The following USP12 variants were observed in gnomAD, a reference collection of about 807,000 sequenced individuals.
USP12 encodes ubiquitin carboxyl-terminal hydrolase 12.
Under a neutral mutation model 45.5 loss-of-function variants are expected in USP12, and 19 were observed. The observed-to-expected ratio is 0.42, with a 90% CI of 0.29 to 0.61. USP12 has a LOEUF of 0.61. USP12 is among the 20% of genes least tolerant of loss of function. The pLI is 0.22. For missense variants in USP12, 242 were observed against 447.7 expected, an observed-to-expected ratio of 0.54 and a Z score of 4.15; for synonymous variants, 149 against 148.8, an observed-to-expected ratio of 1.00 and a Z score of -0.01.
chr13:27,118,068 G>A (rs1448931148), intron 1 of USP12, among the ~76,000 whole-genome samples: 2 of 150,364 alleles, frequency 1.3e-5, no homozygotes, highest in African/African-American at 2.5e-5. Context: ...TCACAGTGAA[G>A]AGCTGCAGAG....
chr13:27,069,372 G>A lies in USP12; in HGVS notation c.1024C>T (p.Gln342Ter). 1.2e-6 allele frequency: 2 copies of A among 1,613,084 alleles called. No individual in the cohort carries two copies. Among genetic ancestry groups the A allele is most frequent in the Non-Finnish European group, 1.7e-6 (2 of 1,179,396 alleles). Residue 342 changes from glutamine to a stop codon, truncating the protein, a stop_gained, in exon 9 of 9, where the codon CAA (glutamine) becomes TAA (stop). Transcript: ENST00000282344. LOFTEE classifies it high-confidence loss of function. ...AACCCGTAGAATTCTTCAATAGCTTGTGCATCTATTTTCTGTGAGGTAAAA... is the reference window on the plus strand; with the variant it reads ...AACCCGTAGAATTCTTCAATAGCTTATGCATCTATTTTCTGTGAGGTAAAA... ...DDDIVEKIDA[Q>*]AIEEFYGLTS...
At position 27,069,255 on chromosome 13, in the gene USP12, G is replaced by A. The variant is rs1873126838; in HGVS notation, c.*28C>T. The A allele has an allele frequency of 6.4e-7, 1 of 1,556,234 alleles. No individual in the cohort carries two copies. The highest frequency in any genetic ancestry group is 1.4e-5 in the African/African-American group (1 of 73,642). On this transcript the variant is annotated 3_prime_UTR_variant, in exon 9 of 9. Transcript: ENST00000282344. ...AAATAACCAGAGAAGAAATGAGGCA[G>A]AAAGTGTCTCTTCATCACGGTTCCC...
At chr13:27,108,204 T>TA (rs1299936304) in intron 2 of USP12, among the ~76,000 whole-genome samples, 6 of 151,756 alleles carry the variant, frequency 4.0e-5, no homozygotes, top group Admixed American at 6.6e-5. Context: ...TATGCAGCCA[T>TA]AAAAAATGAT....
intron 1 of USP12, among the ~76,000 whole-genome samples, chr13:27,151,115 G>A (rs570784948): frequency 2.9e-4 from 44 of 152,180 alleles, no homozygotes; most frequent in Admixed American, 5.2e-4. Context: ...GATCACTTGA[G>A]GCCAAGAGTT....
At chr13:27,106,187 T>TAA (rs151279680) in intron 2 of USP12, among the ~76,000 whole-genome samples, 2 of 151,252 alleles carry the variant, frequency 1.3e-5, no homozygotes, top group Non-Finnish European at 3.0e-5. Flanking sequence ...AAACAAAAAA[T>TAA]AAAAAAAACA....
At chr13:27,095,904 ATATC>A (rs2137776470) in intron 3 of USP12, 74 bp from the exon 4 acceptor site, 1 of 1,090,188 alleles carries the variant, frequency 9.2e-7, no homozygotes, top group Non-Finnish European at 1.3e-6. Context: ...TTATAAAAGA[ATATC>A]TAGTATTGGA....
chr13:27,069,526 CA>C, intron 8 of USP12, 142 bp from the exon 9 acceptor site: 3 of 645,132 alleles, frequency 4.7e-6, no homozygotes, highest in Non-Finnish European at 5.4e-6. Flanking sequence ...CAGGGCACAC[CA>C]AAAAAATGTT....
chr13:27,085,205 C>A (rs1487979825), intron 6 of USP12, among the ~76,000 whole-genome samples: 1 of 150,874 alleles, frequency 6.6e-6, no homozygotes, highest in Non-Finnish European at 1.5e-5. Flanking sequence ...TGGAGTCTCG[C>A]TCTGTTGCCC....
intron 1 of USP12, among the ~76,000 whole-genome samples, chr13:27,137,134 T>A (rs1876842032): frequency 6.6e-6 from 1 of 152,252 alleles, no homozygotes; most frequent in Non-Finnish European, 1.5e-5. Context: ...AGGTGATGTG[T>A]GCCAGTAGTC....
At chr13:27,159,303 G>A (rs1027638048) in intron 1 of USP12, among the ~76,000 whole-genome samples, 17 of 152,092 alleles carry the variant, frequency 1.1e-4, no homozygotes, top group African/African-American at 3.1e-4. Flanking sequence ...TTACAAGGGC[G>A]TATCTACCAC....
chr13:27,087,348 T>C (rs1401579309), intron 6 of USP12, among the ~76,000 whole-genome samples: 1 of 151,698 alleles, frequency 6.6e-6, no homozygotes, highest in Admixed American at 6.6e-5. Context: ...CTGGGTTACC[T>C]AAAGGTGCAA....
At chr13:27,097,186 GC>G (rs1874625305) in intron 3 of USP12, among the ~76,000 whole-genome samples, 1 of 151,150 alleles carries the variant, frequency 6.6e-6, no homozygotes, top group African/African-American at 2.4e-5. Flanking sequence ...AAAAAAGCAG[GC>G]CAAGCGCAGT....
At chr13:27,118,301 C>T (rs1474539454) in intron 1 of USP12, among the ~76,000 whole-genome samples, 3 of 152,092 alleles carry the variant, frequency 2.0e-5, no homozygotes, top group Non-Finnish European at 4.4e-5. Context: ...CAAGACGTTT[C>T]TTCTATTATC....
At chr13:27,104,539 C>T (rs1428004497) in intron 3 of USP12, among the ~76,000 whole-genome samples, 1 of 152,132 alleles carries the variant, frequency 6.6e-6, no homozygotes, top group Non-Finnish European at 1.5e-5. Flanking sequence ...GATCTATAAT[C>T]TAATAAAGTA....
intron 2 of USP12, among the ~76,000 whole-genome samples, chr13:27,107,738 T>C (rs1215475588): frequency 1.3e-5 from 2 of 152,202 alleles, no homozygotes; most frequent in Non-Finnish European, 2.9e-5. Flanking sequence ...ACAATGTGCC[T>C]TCTCAAAAGA....
intron 1 of USP12, chr13:27,169,231 G>A (rs1878477682): frequency 6.6e-6 from 1 of 152,182 alleles, no homozygotes. Flanking sequence ...GAAACTGTAT[G>A]AAGGGGATGG....
At chr13:27,137,680 A>G (rs1431557825) in intron 1 of USP12, among the ~76,000 whole-genome samples, 1 of 152,236 alleles carries the variant, frequency 6.6e-6, no homozygotes, top group Non-Finnish European at 1.5e-5. Context: ...CCCCGATCTC[A>G]GCCTGCTAGT....
chr13:27,159,570 A>T (rs1351568702), intron 1 of USP12, among the ~76,000 whole-genome samples: 1 of 152,226 alleles, frequency 6.6e-6, no homozygotes, highest in East Asian at 1.9e-4. Context: ...TCAACCAAAA[A>T]TGTACCCAAA....
chr13:27,144,283 A>G (rs1877206038), intron 1 of USP12, among the ~76,000 whole-genome samples: 1 of 152,096 alleles, frequency 6.6e-6, no homozygotes. Flanking sequence ...GCATCACTTC[A>G]GCCCAGTTTG....
Sources: gnomAD v4.1 joint callset for allele counts (sites outside exome capture counted in the v4.1 genomes callset) on GRCh38, gnomAD v4.1.1 for gene constraint, MANE v1.5 for transcripts, NCBI Gene and HGNC (gene_info 2026-07-23, HGNC 2026-07-21) for gene names.